Variants in PTPRS observed in about 807,000 individuals in gnomAD.
PTPRS encodes the protein receptor-type tyrosine-protein phosphatase S.
A neutral mutation model predicts 215.3 loss-of-function variants in PTPRS; 63 were observed. That is an observed-to-expected ratio of 0.29 (90% CI 0.24 to 0.36). The LOEUF (loss-of-function observed/expected upper bound fraction) is 0.36, where lower values mean the gene tolerates loss of function less well. Among genes scored for constraint, PTPRS ranks in the 10% least tolerant of loss-of-function variants. The pLI is 1.00. For missense variants in PTPRS, 2,258 were observed against 2,825.8 expected (o/e 0.80, Z 4.56); for synonymous variants, 1,404 against 1,191.4 (o/e 1.18, Z -3.68).
At chr19:5,326,816 A>G (rs1243507168) in intron 1 of PTPRS, among the ~76,000 whole-genome samples, 1 of 152,020 alleles carries the variant, frequency 6.6e-6, no homozygotes, top group Non-Finnish European at 1.5e-5. Context: ...GGAGGATAGA[A>G]GTAAAGAAAG....
chr19:5,333,300 T>C (rs1300624602), intron 1 of PTPRS, among the ~76,000 whole-genome samples: 2 of 147,610 alleles, frequency 1.4e-5, no homozygotes, highest in Non-Finnish European at 3.0e-5. Flanking sequence ...GTGAAACCCA[T>C]CTCTACAAAA....
intron 29 of PTPRS, 31 bp downstream of exon 29, chr19:5,214,530 G>T: frequency 6.2e-7 from 1 of 1,612,174 alleles, no homozygotes; most frequent in East Asian, 2.2e-5. Context: ...TGACTGGCAG[G>T]GGCTTGAGGG....
In PTPRS at chr19:5,220,170, C is replaced by G; in HGVS notation, c.3550-16G>C. ...CCTGGATGAGCTGCGGGAACAGAGTCATGGGTGGCTCAGAGCTCAGCTGGG... is the reference window on the plus strand; with the variant it reads ...CCTGGATGAGCTGCGGGAACAGAGTGATGGGTGGCTCAGAGCTCAGCTGGG... On this transcript the variant is annotated splice_polypyrimidine_tract_variant and intron_variant, in intron 21 of 37. Transcript: ENST00000262963. 1 of 1,609,908 alleles carries G rather than the reference C, an allele frequency of 6.2e-7. No homozygotes were observed.
At chr19:5,299,677 A>T (rs980863531) in intron 1 of PTPRS, among the ~76,000 whole-genome samples, 5 of 151,320 alleles carry the variant, frequency 3.3e-5, no homozygotes, top group Non-Finnish European at 7.4e-5. Flanking sequence ...TTTGAGACCA[A>T]CCTGGCCAAC....
At chr19:5,223,515 C>T (rs141662878) in intron 17 of PTPRS, among the ~76,000 whole-genome samples, 23 of 151,848 alleles carry the variant, frequency 1.5e-4, no homozygotes, top group Non-Finnish European at 2.6e-4. Context: ...CTCGGCCTCC[C>T]AAAGTGCTAG....
chr19:5,284,418 A>AATAAATAT (rs1193138280), intron 2 of PTPRS, among the ~76,000 whole-genome samples: 3 of 99,172 alleles, frequency 3.0e-5, no homozygotes, highest in African/African-American at 9.6e-5. Context: ...TAAATAAATA[A>AATAAATAT]AAATTAGCCA....
In PTPRS at chr19:5,220,290, C is replaced by T. The variant is rs1184822740; in HGVS notation, c.3519G>A (p.Leu1173=). Residue 1173 remains leucine (L), a synonymous_variant, in exon 21 of 38, where the codon CTG becomes CTA. Transcript: ENST00000262963. ...CCAGATCCATGTCCTCTGGGCTACC[C>T]AGCGGGGTCAGGAATTGGCCTCCAC... The part of the protein sequence containing the change: ...KSRGGQFLTP[L]GSPEDMDLEE... 2 of 1,613,970 alleles carry T rather than the reference C, an allele frequency of 1.2e-6. No homozygotes were observed. Among genetic ancestry groups the T allele is most frequent in the Non-Finnish European group, 1.7e-6 (2 of 1,180,012 alleles).
intron 35 of PTPRS, among the ~76,000 whole-genome samples, chr19:5,209,955 T>A (rs1238425048): frequency 1.3e-5 from 2 of 152,186 alleles, no homozygotes; most frequent in Admixed American, 6.5e-5. Flanking sequence ...TGATCCTTTG[T>A]CACCCAACAG....
At chr19:5,214,819 T>A in intron 28 of PTPRS, 83 bp from the exon 29 acceptor site, 1 of 1,383,776 alleles carries the variant, frequency 7.2e-7, no homozygotes, top group South Asian at 1.4e-5. Context: ...TCCTGGAAGT[T>A]CACTCTGACC....
intron 1 of PTPRS, among the ~76,000 whole-genome samples, chr19:5,331,642 C>A (rs1291143039): frequency 1.3e-5 from 2 of 152,166 alleles, no homozygotes; most frequent in Non-Finnish European, 2.9e-5. Context: ...CGGCTGAGAA[C>A]CACAGCAGTA....
At chr19:5,296,667 G>A (rs979053520) in intron 1 of PTPRS, among the ~76,000 whole-genome samples, 5 of 150,742 alleles carry the variant, frequency 3.3e-5, no homozygotes, top group Non-Finnish European at 7.4e-5. Flanking sequence ...GAGGAATGGC[G>A]AGGAGGCCAG....
At position 5,266,488 on chromosome 19, in the gene PTPRS, G is replaced by A. The variant is rs567480237; in HGVS notation, c.380-1292C>T. ...TTTTTTTTGAGATGGAGTCTCACTCGTCGGCCAGGCTGGAAGGCAGTGGCA... is the reference window on the plus strand; with the variant it reads ...TTTTTTTTGAGATGGAGTCTCACTCATCGGCCAGGCTGGAAGGCAGTGGCA... On this transcript the variant is annotated intron_variant, in intron 4 of 37. Coordinates refer to ENST00000262963, the MANE Select transcript of PTPRS (RefSeq NM_002850.4). 6.6e-5 allele frequency among the ~76,000 whole-genome samples: 10 copies of A among 151,750 alleles called. 1 individual carries two copies. In the South Asian group the frequency reaches 2.1e-3, roughly 32 times the overall value.
In PTPRS at chr19:5,222,838, G is replaced by A. The variant is rs747329678; in HGVS notation, c.2954C>T (p.Ala985Val). 1.3e-6 allele frequency: 2 copies of A among 1,594,068 alleles called. No homozygotes were observed. Among genetic ancestry groups the A allele is most frequent in the East Asian group, 2.2e-5 (1 of 44,548 alleles). Residue 985 changes from alanine (A) to valine (V), a missense_variant, in exon 18 of 38, where the codon GCA (alanine) becomes GTA (valine). Transcript: ENST00000262963. Reference protein sequence around the residue: ...LGPARETELPAAAEPGAENAL... With the variant: ...LGPARETELPVAAEPGAENAL... ...GTTCTCCGCGCCCGGCTCAGCCGCTGCCGGCAGCTCAGTCTCTCGGGCAGG... is the reference window on the plus strand; with the variant it reads ...GTTCTCCGCGCCCGGCTCAGCCGCTACCGGCAGCTCAGTCTCTCGGGCAGG...
At chr19:5,252,574 C>CAAAA (rs56215560) in intron 9 of PTPRS, among the ~76,000 whole-genome samples, 2 of 66,800 alleles carry the variant, frequency 3.0e-5, no homozygotes, top group Admixed American at 2.0e-4. Flanking sequence ...GAGATTCTGT[C>CAAAA]AAAAAAAAAA....
intron 1 of PTPRS, among the ~76,000 whole-genome samples, chr19:5,314,119 C>A (rs2049798190): frequency 6.6e-6 from 1 of 152,156 alleles, no homozygotes; most frequent in Admixed American, 6.6e-5. Context: ...GCCTGGGCAA[C>A]AGAGCAAGAT....
chr19:5,241,632 G>A (rs1268036022), intron 11 of PTPRS, among the ~76,000 whole-genome samples: 1 of 151,868 alleles, frequency 6.6e-6, no homozygotes, highest in Non-Finnish European at 1.5e-5. Flanking sequence ...TCCGCTCACA[G>A]ACATGGACAG....
At chr19:5,212,716 G>A (rs2041025018) in intron 30 of PTPRS, among the ~76,000 whole-genome samples, 1 of 152,150 alleles carries the variant, frequency 6.6e-6, no homozygotes, top group African/African-American at 2.4e-5. Context: ...GGTGGTGCAT[G>A]CCTGTAATCT....
Position 5,245,998 on chromosome 19 carries a change from T to G in PTPRS, c.766A>C (p.Ile256Leu), listed in dbSNP as rs1302033266. 2 of 1,585,884 alleles carry G rather than the reference T, an allele frequency of 1.3e-6. No individual in the cohort carries two copies. The highest frequency in any genetic ancestry group is 2.7e-5 in the African/African-American group (2 of 74,226). The part of the protein sequence containing the change: ...RFSILPMSHE[I>L]MPGGNVNITC... ...ATGTTCACGTTGCCCCCTGGCATGA[T>G]CTCGTGGCTCATGGGCAGGATGGAG... is the stretch of plus-strand genomic sequence containing the variant. Residue 256 changes from isoleucine (I) to leucine (L), a missense_variant, in exon 10 of 38, where the codon ATC becomes CTC. Ile to Leu is a conservative substitution (Grantham distance 5, BLOSUM62 2). This residue lies in a region of PTPRS where 508 missense variants were observed against 799.4 expected (regional missense o/e 0.64). Coordinates refer to ENST00000262963, the MANE Select transcript of PTPRS (RefSeq NM_002850.4).
At chr19:5,301,107 TG>T (rs1315774956) in intron 1 of PTPRS, among the ~76,000 whole-genome samples, 1 of 152,208 alleles carries the variant, frequency 6.6e-6, no homozygotes, top group Admixed American at 6.5e-5. Flanking sequence ...TGGGAGCTCT[TG>T]CTCCAGCCCC....
Sources: allele counts gnomAD v4.1 joint callset (sites outside exome capture counted in the v4.1 genomes callset), GRCh38; gene constraint gnomAD v4.1.1; regional missense constraint gnomAD v4.1.1; transcripts MANE v1.5; gene names NCBI Gene and HGNC (gene_info 2026-07-23, HGNC 2026-07-21).